ZNRF1: variants seen among roughly 807,000 people sequenced by gnomAD.
ZNRF1 encodes zinc and ring finger 1.
A neutral mutation model predicts 18.4 loss-of-function variants in ZNRF1; 3 were observed. The observed-to-expected ratio is 0.16, with a 90% confidence interval of 0.07 to 0.42. ZNRF1 has a LOEUF of 0.42. Ranked by LOEUF, ZNRF1 falls within the 10% of genes least tolerant of loss-of-function variation. The pLI is 0.99. For synonymous variants in ZNRF1, 157 were observed against 144.2 expected (o/e 1.09, Z -0.64); for missense variants, 310 against 329.8 (o/e 0.94, Z 0.47).
intron 1 of ZNRF1, among the ~76,000 whole-genome samples, chr16:75,077,925 A>G (rs1467919757): frequency 1.3e-5 from 2 of 152,210 alleles, no homozygotes; most frequent in Non-Finnish European, 2.9e-5. Context: ...CTGTGATTAC[A>G]TCGGACCCAC....
intron 1 of ZNRF1, among the ~76,000 whole-genome samples, chr16:75,058,976 A>G (rs945818439): frequency 2.0e-5 from 3 of 152,128 alleles, no homozygotes; most frequent in Non-Finnish European, 4.4e-5. Context: ...ATACTTGAAT[A>G]TAAACAACTA....
intron 1 of ZNRF1, among the ~76,000 whole-genome samples, chr16:75,081,551 T>G (rs2036012825): frequency 6.6e-6 from 1 of 152,204 alleles, no homozygotes; most frequent in Non-Finnish European, 1.5e-5. Context: ...CTAAGGAGTG[T>G]TCTCTGGCAT....
At chr16:75,010,701 G>GTTTTTTTTTTTTTTTTTTTTTTTTTTT (rs1334552920) in intron 1 of ZNRF1, among the ~76,000 whole-genome samples, 1 of 63,766 alleles carries the variant, frequency 1.6e-5, no homozygotes. Context: ...GTACTGTACT[G>GTTTTTTTTTTTTTTTTTTTTTTTTTTT]TTTTTTTTTG....
chr16:75,029,445 G>C (rs563242416), intron 1 of ZNRF1, among the ~76,000 whole-genome samples: 4 of 152,172 alleles, frequency 2.6e-5, no homozygotes, highest in Admixed American at 2.6e-4. Flanking sequence ...ACCACGCCCG[G>C]CTGACCTTTT....
chr16:75,086,158 A>C (rs548086993), intron 1 of ZNRF1, among the ~76,000 whole-genome samples: 1 of 152,134 alleles, frequency 6.6e-6, no homozygotes, highest in Non-Finnish European at 1.5e-5. Flanking sequence ...CACTCAGTCT[A>C]TGGTTTCAAA....
At position 75,108,548 on chromosome 16, in the gene ZNRF1, T is replaced by A; in HGVS notation, c.*848T>A. 2 of 398,888 alleles carry A rather than the reference T, an allele frequency of 5.0e-6. No homozygotes were observed. The highest frequency in any genetic ancestry group is 7.1e-5 in the East Asian group (2 of 28,060). 24.7% of individuals were successfully genotyped at this position (398,888 alleles called of 1,614,324 possible). A position where few individuals can be genotyped will look rare whatever the true frequency, so the allele number is the denominator to read the frequency against. ...TTGAGAACATTTTAGCCATTGATGT[T>A]CACACGTGGCATCAGCCCATGCAAG... On this transcript the variant is annotated 3_prime_UTR_variant, in exon 5 of 5. Coordinates refer to ENST00000335325, the MANE Select transcript of ZNRF1 (RefSeq NM_032268.5).
In ZNRF1 at chr16:74,999,712, C is replaced by A. The variant is rs983883838; in HGVS notation, c.41C>A (p.Pro14His). 15 of 1,364,976 alleles carry A rather than the reference C, an allele frequency of 1.1e-5. No homozygotes were observed. The African/African-American group carries it at 2.0e-4, about 18-fold the overall frequency. The allele number at this position is 1,364,976 out of a possible 1,614,324, so 84.6% of individuals were successfully genotyped here. Residue 14 changes from proline to histidine, a missense_variant, in exon 1 of 5, where the codon CCC (proline) becomes CAC (histidine). Transcript: ENST00000335325. ...AGCACGGCGGCCCGCTCCCGGGGCC[C>A]CTTCCCGGGGGTCTCCACCGATGAC... is the stretch of plus-strand genomic sequence containing the variant. ...KQSTAARSRGPFPGVSTDDSA... is the reference protein window; with the variant it reads ...KQSTAARSRGHFPGVSTDDSA...
rs2036344977 is a variant in ZNRF1 at position 75,108,635 on chromosome 16, G to A, written c.*935G>A. On this transcript the variant is annotated 3_prime_UTR_variant, in exon 5 of 5. Transcript: ENST00000335325. ...AAACTTATAAAATGTTTAAAAAAAT[G>A]TTCAAAGCTTGGGAGAAAAGCTTTC... is the stretch of plus-strand genomic sequence containing the variant. 1 of 398,780 alleles carries A rather than the reference G, an allele frequency of 2.5e-6. No homozygotes were observed. The highest frequency in any genetic ancestry group is 4.4e-6 in the Non-Finnish European group (1 of 225,962). The allele number at this position is 398,780 out of a possible 1,614,324, so 24.7% of individuals were successfully genotyped here.
rs545100428 is a variant in ZNRF1, at chr16:75,003,646, T to C, written c.424+3551T>C. On this transcript the variant is annotated intron_variant, in intron 1 of 4. Coordinates refer to ENST00000335325, the MANE Select transcript of ZNRF1 (RefSeq NM_032268.5). The stretch of plus-strand genomic sequence containing the variant: ...AACCAGTACCCTCTTCCGCCTCTTA[T>C]CTGAAAACATCACAAAGCCGCATGG... Among the ~76,000 whole-genome samples the C allele has an allele frequency of 3.3e-5, 5 of 152,272 alleles. No individual in the cohort carries two copies. In the East Asian group the frequency reaches 9.6e-4, roughly 29 times the overall value.
chr16:75,078,884 A>G (rs1480406528), intron 1 of ZNRF1, among the ~76,000 whole-genome samples: 1 of 152,190 alleles, frequency 6.6e-6, no homozygotes, highest in South Asian at 2.1e-4. Context: ...CTTGCTAGCC[A>G]GATTTCTTGT....
intron 1 of ZNRF1, among the ~76,000 whole-genome samples, chr16:75,070,742 G>A (rs2035860609): frequency 6.6e-6 from 1 of 152,032 alleles, no homozygotes; most frequent in Admixed American, 6.6e-5. Flanking sequence ...GACTTGCCTT[G>A]CCTGTTTTGT....
At chr16:75,106,391 C>T in intron 3 of ZNRF1, 91 bp from the exon 4 acceptor site, 1 of 1,360,706 alleles carries the variant, frequency 7.3e-7, no homozygotes, top group African/African-American at 1.4e-5. Flanking sequence ...TTAGGAAGCT[C>T]CTGCTCAGGA....
intron 1 of ZNRF1, among the ~76,000 whole-genome samples, chr16:75,025,801 A>G (rs746307571): frequency 1.6e-4 from 24 of 148,086 alleles, no homozygotes; most frequent in Non-Finnish European, 2.1e-4. Flanking sequence ...GCTTCTGCCA[A>G]TGGCTAGACT....
At chr16:75,079,382 A>G (rs2035982991) in intron 1 of ZNRF1, among the ~76,000 whole-genome samples, 1 of 152,206 alleles carries the variant, frequency 6.6e-6, no homozygotes, top group South Asian at 2.1e-4. Flanking sequence ...CGGGAGGCTG[A>G]GGCAAGAGAA....
intron 1 of ZNRF1, among the ~76,000 whole-genome samples, chr16:75,064,522 CT>C (rs2035779439): frequency 6.7e-6 from 1 of 149,102 alleles, no homozygotes. Context: ...TGCCATTGCA[CT>C]CCAGCCTGGG....
chr16:75,017,554 T>C (rs1048512397), intron 1 of ZNRF1, among the ~76,000 whole-genome samples: 1 of 152,164 alleles, frequency 6.6e-6, no homozygotes, highest in Non-Finnish European at 1.5e-5. Context: ...AATACAACTT[T>C]TCAAGTTTAA....
chr16:75,067,973 C>G (rs1413080235), intron 1 of ZNRF1, among the ~76,000 whole-genome samples: 5 of 152,018 alleles, frequency 3.3e-5, no homozygotes, highest in Non-Finnish European at 7.4e-5. Context: ...ATGTATTTAT[C>G]CTGCTTAATG....
chr16:75,002,157 A>G (rs565909466), intron 1 of ZNRF1: 1 of 152,344 alleles, frequency 6.6e-6, no homozygotes, highest in Admixed American at 6.5e-5. Flanking sequence ...TGTGGGTGGT[A>G]TCACTCTGGT....
intron 1 of ZNRF1, among the ~76,000 whole-genome samples, chr16:75,068,789 A>G (rs552459711): frequency 3.9e-5 from 6 of 152,120 alleles, no homozygotes; most frequent in Middle Eastern, 3.4e-3. Flanking sequence ...GCCCTGATCC[A>G]TGCTTAAAAT....
Sources: allele counts gnomAD v4.1 joint callset (sites outside exome capture counted in the v4.1 genomes callset), GRCh38; gene constraint gnomAD v4.1.1; transcripts MANE v1.5; gene names NCBI Gene and HGNC (gene_info 2026-07-23, HGNC 2026-07-21).